The following CSMD2 variants were observed in gnomAD, a reference collection of about 807,000 sequenced individuals.
The protein encoded by CSMD2 is CUB and Sushi multiple domains 2.
Under a neutral mutation model 398.5 loss-of-function variants are expected in CSMD2, and 130 were observed. The ratio of observed to expected loss-of-function variants is 0.33; its 90% CI spans 0.28 to 0.38. The LOEUF (loss-of-function observed/expected upper bound fraction) is 0.38. CSMD2 is among the 10% of genes least tolerant of loss of function. CSMD2 has a pLI of 1.00. For missense variants in CSMD2, 3,829 were observed against 4,764.9 expected, an observed-to-expected ratio of 0.80 and a Z score of 5.78; for synonymous variants, 1,828 against 1,908.5, an observed-to-expected ratio of 0.96 and a Z score of 1.10.
intron 1 of CSMD2, among the ~76,000 whole-genome samples, chr1:34,108,755 G>T (rs185171049): frequency 6.6e-6 from 1 of 152,314 alleles, no homozygotes; most frequent in Admixed American, 6.5e-5. Context: ...TCAGAATCCT[G>T]AGTGCCCGAG....
intron 51 of CSMD2, among the ~76,000 whole-genome samples, chr1:33,570,106 C>T (rs1659449310): frequency 6.6e-6 from 1 of 151,994 alleles, no homozygotes; most frequent in South Asian, 2.1e-4. Context: ...GGTTACATCC[C>T]ACTGTGCAGT....
At chr1:33,675,144 C>G (rs948544976) in intron 25 of CSMD2, among the ~76,000 whole-genome samples, 1 of 152,050 alleles carries the variant, frequency 6.6e-6, no homozygotes, top group South Asian at 2.1e-4. Flanking sequence ...CACAAAAAAC[C>G]CTTCAAAAAA....
intron 5 of CSMD2, among the ~76,000 whole-genome samples, chr1:33,890,441 A>T (rs1373677707): frequency 6.6e-6 from 1 of 152,150 alleles, no homozygotes; most frequent in Non-Finnish European, 1.5e-5. Flanking sequence ...CATGTTAGCC[A>T]GGATGGTCTC....
rs1646143266 is a variant in CSMD2, at chr1:33,715,694, G to A, written c.3217+592C>T. Among the ~76,000 whole-genome samples, 5 of 152,190 alleles carry A rather than the reference G, an allele frequency of 3.3e-5. No homozygotes were observed. The South Asian group carries it at 8.3e-4, about 25-fold the overall frequency. On this transcript the variant is annotated intron_variant, in intron 20 of 70. Transcript: ENST00000373381. ...ACTCCTGGCCGTGGCTGAGAAAGGT[G>A]GAGGGAGGTACTCTGGGGTGCTACG...
At chr1:34,160,781 A>G (rs1289217474) in intron 1 of CSMD2, among the ~76,000 whole-genome samples, 1 of 152,236 alleles carries the variant, frequency 6.6e-6, no homozygotes, top group African/African-American at 2.4e-5. Flanking sequence ...AACATTGAGT[A>G]CAGTCAGTGC....
chr1:34,046,490 G>A (rs1405727175), intron 2 of CSMD2, among the ~76,000 whole-genome samples: 1 of 152,114 alleles, frequency 6.6e-6, no homozygotes, highest in Admixed American at 6.6e-5. Flanking sequence ...AAGAAACTTT[G>A]GGAACCTTTG....
intron 37 of CSMD2, among the ~76,000 whole-genome samples, chr1:33,618,092 G>C (rs951256312): frequency 3.3e-5 from 5 of 152,160 alleles, no homozygotes; most frequent in African/African-American, 1.2e-4. Flanking sequence ...CATCAGCGAT[G>C]CTCAGGGGCT....
intron 3 of CSMD2, among the ~76,000 whole-genome samples, chr1:34,018,483 A>T (rs1456288031): frequency 6.6e-6 from 1 of 152,242 alleles, no homozygotes; most frequent in East Asian, 1.9e-4. Flanking sequence ...CTGGATTTCC[A>T]AAGGACTAAT....
intron 2 of CSMD2, among the ~76,000 whole-genome samples, chr1:34,081,317 C>G (rs1189146037): frequency 6.6e-6 from 1 of 152,178 alleles, no homozygotes; most frequent in Non-Finnish European, 1.5e-5. Flanking sequence ...GGACTGTCCT[C>G]TAAGGTCATT....
intron 67 of CSMD2, among the ~76,000 whole-genome samples, chr1:33,521,973 T>C (rs930865618): frequency 1.3e-5 from 2 of 152,174 alleles, no homozygotes; most frequent in Admixed American, 6.5e-5. Context: ...TTTTGGAGCA[T>C]TATGGAACAC....
chr1:33,523,367 T>C lies in CSMD2; in HGVS notation c.10449A>G (p.Thr3483=). The part of the protein sequence containing the change: ...FHLLLQVYQI[T]GPVEIFMNKF... The stretch of plus-strand genomic sequence containing the variant: ...TATTCATAAAGATCTCCACAGGCCC[T>C]GTAATCTGGTACACCTGGAGTAGGA... Residue 3483 remains threonine (T), a synonymous_variant, in exon 67 of 71, where the codon ACA becomes ACG. Coordinates refer to ENST00000373381, the MANE Select transcript of CSMD2 (RefSeq NM_001281956.2). The C allele has an allele frequency of 6.3e-7, 1 of 1,599,624 alleles. No homozygotes were observed. Among genetic ancestry groups the C allele is most frequent in the East Asian group, 2.2e-5 (1 of 44,810 alleles).
At chr1:33,860,577 G>A (rs939298494) in intron 5 of CSMD2, 2 of 152,108 alleles carry the variant, frequency 1.3e-5, no homozygotes, top group East Asian at 3.8e-4. Context: ...CACTGGAGAG[G>A]GGGAGTGCCA....
intron 55 of CSMD2, among the ~76,000 whole-genome samples, chr1:33,553,371 C>T (rs569643251): frequency 5.9e-5 from 9 of 152,178 alleles, no homozygotes; most frequent in African/African-American, 1.7e-4. Context: ...TGTTTTGGGG[C>T]GCCATGAACC....
intron 55 of CSMD2, among the ~76,000 whole-genome samples, 180 bp from the exon 56 acceptor site, chr1:33,550,530 A>G (rs1657346118): frequency 1.3e-5 from 2 of 152,244 alleles, no homozygotes; most frequent in Admixed American, 6.5e-5. Flanking sequence ...CACTCAGGGG[A>G]CAGTTTTCCA....
intron 13 of CSMD2, among the ~76,000 whole-genome samples, chr1:33,748,337 C>A (rs1647679143): frequency 6.6e-6 from 1 of 152,076 alleles, no homozygotes. Context: ...CTCAATCACC[C>A]AGGTTAAAAG....
chr1:33,526,242 G>A (rs529977722), intron 65 of CSMD2, among the ~76,000 whole-genome samples: 1 of 152,320 alleles, frequency 6.6e-6, no homozygotes, highest in South Asian at 2.1e-4. Context: ...TGGAAGAGGG[G>A]AGAAGAGAGA....
intron 57 of CSMD2, among the ~76,000 whole-genome samples, chr1:33,543,712 T>C (rs1167288388): frequency 6.6e-6 from 1 of 152,244 alleles, no homozygotes; most frequent in Admixed American, 6.5e-5. Context: ...ATTCTATCCT[T>C]CTTTCTGCAT....
rs1450435918 is a variant in CSMD2, at chr1:33,569,871, C to T, written c.7958-324G>A. Among the ~76,000 whole-genome samples, 7 of 152,176 alleles carry T rather than the reference C, an allele frequency of 4.6e-5. No individual in the cohort carries two copies. The East Asian group carries it at 1.3e-3, about 29-fold the overall frequency. ...GTGCACTGTGGTTAGGAAGAGATGG[C>T]GATTCTGTGGTATGCTCCTGAGTGC... On this transcript the variant is annotated intron_variant, in intron 51 of 70. Transcript: ENST00000373381.
At chr1:33,886,753 C>A (rs1641625783) in intron 5 of CSMD2, among the ~76,000 whole-genome samples, 1 of 152,198 alleles carries the variant, frequency 6.6e-6, no homozygotes, top group Non-Finnish European at 1.5e-5. Context: ...GGCTAAGGGA[C>A]AGAAGTCATT....
Sources: allele counts gnomAD v4.1 joint callset (sites outside exome capture counted in the v4.1 genomes callset), GRCh38; gene constraint gnomAD v4.1.1; transcripts MANE v1.5; gene names NCBI Gene and HGNC (gene_info 2026-07-23, HGNC 2026-07-21).